The following SBNO2 variants were observed in gnomAD, a reference collection of about 807,000 sequenced individuals.
SBNO2 encodes strawberry notch homolog 2.
SBNO2 carries 89 observed loss-of-function variants against 146.3 expected under a neutral mutation model. The ratio of observed to expected loss-of-function variants is 0.61; its 90% confidence interval spans 0.51 to 0.73. The LOEUF (loss-of-function observed/expected upper bound fraction) is 0.73, where lower values mean the gene tolerates loss of function less well. Ranked by LOEUF, SBNO2 falls within the 30% of genes least tolerant of loss-of-function variation. SBNO2 has a pLI of 0.00. For missense variants in SBNO2, 2,092 were observed against 2,003.7 expected (o/e 1.04, Z -0.84); for synonymous variants, 1,147 against 892.6 (o/e 1.29, Z -5.08).
intron 5 of SBNO2, among the ~76,000 whole-genome samples, chr19:1,124,639 G>C (rs2079944477): frequency 6.6e-6 from 1 of 152,200 alleles, no homozygotes; most frequent in Non-Finnish European, 1.5e-5. Flanking sequence ...CACCTCCTCT[G>C]TGAGAGATGG....
chr19:1,118,913 C>A, intron 14 of SBNO2, 98 bp downstream of exon 14: 1 of 1,292,312 alleles, frequency 7.7e-7, no homozygotes, highest in Non-Finnish European at 1.1e-6. Flanking sequence ...ACAGGGCGGG[C>A]CGTCACCTGA....
rs1182168502 is a variant in SBNO2 at position 1,144,616 on chromosome 19, A to G, written c.279+2693T>C. Among the ~76,000 whole-genome samples, 3 of 151,876 alleles carry G rather than the reference A, an allele frequency of 2.0e-5. No individual in the cohort carries two copies. Among genetic ancestry groups the G allele is most frequent in the African/African-American group, 2.4e-5 (1 of 41,380 alleles). On this transcript the variant is annotated intron_variant, in intron 4 of 31. Transcript: ENST00000361757. The surrounding 1 kb of genome is among the most constrained non-coding windows in gnomAD (Gnocchi z 4.1). The stretch of plus-strand genomic sequence containing the variant: ...TAGAGACATAGAGACAGAGGCAGAG[A>G]GGGAAACAGACGAAGACAGAGAGGG...
At chr19:1,155,115 G>C (rs570184637) in intron 1 of SBNO2, 2 of 152,232 alleles carry the variant, frequency 1.3e-5, no homozygotes, top group African/African-American at 4.8e-5. Flanking sequence ...AGGCTGGCCC[G>C]TGGTGGCAGG....
chr19:1,141,049 G>T (rs1461180221), intron 4 of SBNO2, among the ~76,000 whole-genome samples: 1 of 151,680 alleles, frequency 6.6e-6, no homozygotes, highest in Admixed American at 6.6e-5. Context: ...CGGAGAAGAC[G>T]CACCCCGGAG....
chr19:1,118,311 C>G (rs1355271545), intron 14 of SBNO2, among the ~76,000 whole-genome samples: 1 of 152,044 alleles, frequency 6.6e-6, no homozygotes, highest in East Asian at 1.9e-4. Context: ...GCACTCCAGC[C>G]TGGGCAACAA....
chr19:1,115,965 C>T (rs765556377), intron 17 of SBNO2, 56 bp downstream of exon 17: 26 of 920,172 alleles, frequency 2.8e-5, no homozygotes, highest in Admixed American at 1.4e-4. Flanking sequence ...AGCCAGCCCC[C>T]GGGGGGAGAA....
chr19:1,135,298 G>A (rs1490716636), intron 4 of SBNO2, among the ~76,000 whole-genome samples: 1 of 151,980 alleles, frequency 6.6e-6, no homozygotes, highest in Non-Finnish European at 1.5e-5. Flanking sequence ...AGAGGTGGAA[G>A]CTGCAGTAAG....
intron 1 of SBNO2, among the ~76,000 whole-genome samples, chr19:1,163,210 G>A (rs1241055978): frequency 3.3e-5 from 5 of 152,208 alleles, no homozygotes; most frequent in Non-Finnish European, 7.3e-5. Flanking sequence ...GATGCTGGAG[G>A]GGGTGGTCTG....
At chr19:1,143,340 G>A (rs894152040) in intron 4 of SBNO2, among the ~76,000 whole-genome samples, 1 of 152,128 alleles carries the variant, frequency 6.6e-6, no homozygotes, top group Non-Finnish European at 1.5e-5. Flanking sequence ...ATCTGGGTGT[G>A]GTGGTGTGTC....
chr19:1,122,597 C>T (rs1439500196), intron 9 of SBNO2, 39 bp from the exon 10 acceptor site: 31 of 1,412,382 alleles, frequency 2.2e-5, no homozygotes, highest in Middle Eastern at 2.5e-4. Context: ...ACCCTTCCCC[C>T]TCGCCCCCCG....
rs566487483 is a variant in SBNO2, at chr19:1,118,115, C to T, written c.1528-616G>A. 5.3e-5 allele frequency among the ~76,000 whole-genome samples: 8 copies of T among 152,222 alleles called. No homozygotes were observed. In the South Asian group the frequency reaches 1.0e-3, roughly 20 times the overall value. The stretch of plus-strand genomic sequence containing the variant: ...CTTTGGGAGGCTGAGGCGGTCAGAT[C>T]GCCTGAGCTCAGGAGTTTGAGACCA... On this transcript the variant is annotated intron_variant, in intron 14 of 31. Transcript: ENST00000361757.
chr19:1,131,827 G>A (rs1484367856), intron 4 of SBNO2, among the ~76,000 whole-genome samples: 4 of 152,210 alleles, frequency 2.6e-5, no homozygotes, highest in Non-Finnish European at 5.9e-5. Flanking sequence ...CCCCCACTCC[G>A]CTCGGGTCCC....
rs1455852314 is a variant in SBNO2 at position 1,136,992 on chromosome 19, G to A, written c.280-9227C>T. On this transcript the variant is annotated intron_variant, in intron 4 of 31. Transcript: ENST00000361757. This position sits in a 1 kb window ranked among gnomAD's most constrained non-coding sequence, Gnocchi z 4.2. ...GGCAAGGGGGCAGCACCTGGGGAATGGGGATGGGCTGTGGGTGCCGAGAGC... is the reference window on the plus strand; with the variant it reads ...GGCAAGGGGGCAGCACCTGGGGAATAGGGATGGGCTGTGGGTGCCGAGAGC... Among the ~76,000 whole-genome samples the A allele has an allele frequency of 6.6e-6, 1 of 151,390 alleles. No homozygotes were observed. Among genetic ancestry groups the A allele is most frequent in the African/African-American group, 2.4e-5 (1 of 41,144 alleles).
chr19:1,109,875 C>T lies in SBNO2; in HGVS notation c.3029-98G>A, dbSNP rs1330888560. The T allele has an allele frequency of 2.4e-6, 2 of 848,298 alleles. No individual in the cohort carries two copies. The highest frequency in any genetic ancestry group is 2.6e-5 in the East Asian group (1 of 38,228). 52.5% of individuals were successfully genotyped at this position (848,298 alleles called of 1,614,324 possible). A position where few individuals can be genotyped will look rare whatever the true frequency, so the allele number is the denominator to read the frequency against. The stretch of plus-strand genomic sequence containing the variant: ...GCCGGGGCGCACCCTAGAGACGACC[C>T]CCCGAGAGCACAGGAGAGGGTGTCC... On this transcript the variant is annotated intron_variant, in intron 26 of 31. Coordinates refer to ENST00000361757, the MANE Select transcript of SBNO2 (RefSeq NM_014963.3). This position sits in a 1 kb window ranked among gnomAD's most constrained non-coding sequence, Gnocchi z 4.2.
rs932291438 is a variant in SBNO2, at chr19:1,157,247, G to A, written c.-126-2845C>T. On this transcript the variant is annotated intron_variant, in intron 1 of 31. Coordinates refer to ENST00000361757, the MANE Select transcript of SBNO2 (RefSeq NM_014963.3). This position sits in a 1 kb window ranked among gnomAD's most constrained non-coding sequence, Gnocchi z 6.8. The stretch of plus-strand genomic sequence containing the variant: ...CCACGCCATGTCTCTGGGGCATCCA[G>A]CTGCCCCAATCCCCAGGATAAACCC... Among the ~76,000 whole-genome samples the A allele has an allele frequency of 1.3e-5, 2 of 152,164 alleles. No homozygotes were observed. The highest frequency in any genetic ancestry group is 2.9e-5 in the Non-Finnish European group (2 of 68,022).
At chr19:1,132,941 C>T (rs1166215169) in intron 4 of SBNO2, among the ~76,000 whole-genome samples, 1 of 152,254 alleles carries the variant, frequency 6.6e-6, no homozygotes, top group Admixed American at 6.5e-5. Context: ...AACCAAGTGT[C>T]AATGATGCAC....
At chr19:1,174,034 G>T (rs1308793534) in intron 1 of SBNO2, 138 bp downstream of exon 1, 1 of 150,952 alleles carries the variant, frequency 6.6e-6, no homozygotes, top group Admixed American at 6.6e-5. Flanking sequence ...GTCCCGCCGC[G>T]CTCGCCCCCG....
intron 1 of SBNO2, among the ~76,000 whole-genome samples, chr19:1,171,422 A>G (rs1337346727): frequency 1.3e-5 from 2 of 152,218 alleles, no homozygotes; most frequent in Admixed American, 6.5e-5. Flanking sequence ...GTACACACAC[A>G]TGCAGAGTCC....
At chr19:1,132,073 CG>C in intron 4 of SBNO2, 1 of 1,518,476 alleles carries the variant, frequency 6.6e-7, no homozygotes, top group Non-Finnish European at 8.8e-7. Flanking sequence ...TCGCCCGCCC[CG>C]GGAAGGGAGT....
Sources: gnomAD v4.1 joint callset for allele counts (sites outside exome capture counted in the v4.1 genomes callset) on GRCh38, gnomAD v4.1.1 for gene constraint, Gnocchi (gnomAD v3.1) non-coding constraint, MANE v1.5 for transcripts, NCBI Gene and HGNC (gene_info 2026-07-23, HGNC 2026-07-21) for gene names.